Variants in CRIM1 observed in about 807,000 individuals in gnomAD.
The protein encoded by CRIM1 is cysteine-rich motor neuron 1 protein.
Under a neutral mutation model 116.4 loss-of-function variants are expected in CRIM1, and 32 were observed. The observed-to-expected ratio is 0.27, with a 90% CI of 0.21 to 0.37. CRIM1 has a LOEUF of 0.37. Ranked by LOEUF, CRIM1 falls within the 10% of genes least tolerant of loss-of-function variation. The pLI, the probability that CRIM1 is intolerant of heterozygous loss-of-function variation, is 1.00. For synonymous variants in CRIM1, 590 were observed against 509.2 expected (o/e 1.16, Z -2.13); for missense variants, 1,331 against 1,354.8 (o/e 0.98, Z 0.28).
intron 5 of CRIM1, among the ~76,000 whole-genome samples, chr2:36,471,353 C>T (rs1453830425): frequency 6.6e-6 from 1 of 152,132 alleles, no homozygotes; most frequent in Non-Finnish European, 1.5e-5. Context: ...ACAAAGAAAT[C>T]TTTCATGAAA....
At chr2:36,385,550 T>A (rs1671110220) in intron 1 of CRIM1, among the ~76,000 whole-genome samples, 1 of 152,212 alleles carries the variant, frequency 6.6e-6, no homozygotes, top group South Asian at 2.1e-4. Context: ...CTGCAAGGTG[T>A]CATAGAGGGG....
At chr2:36,454,697 C>A (rs1470221467) in intron 4 of CRIM1, among the ~76,000 whole-genome samples, 2 of 152,158 alleles carry the variant, frequency 1.3e-5, no homozygotes, top group African/African-American at 4.8e-5. Flanking sequence ...TAAAAACTGG[C>A]ATACTTCACG....
At chr2:36,374,631 A>C (rs1181825986) in intron 1 of CRIM1, among the ~76,000 whole-genome samples, 1 of 152,078 alleles carries the variant, frequency 6.6e-6, no homozygotes, top group African/African-American at 2.4e-5. Context: ...GTTACTCCTC[A>C]TTTCCTTTCC....
chr2:36,421,695 G>C (rs1320167210), intron 2 of CRIM1, among the ~76,000 whole-genome samples: 1 of 152,170 alleles, frequency 6.6e-6, no homozygotes, highest in Admixed American at 6.5e-5. Context: ...TTAAAATCCA[G>C]AAGATGGCCT....
At chr2:36,422,678 G>C (rs192951757) in intron 2 of CRIM1, among the ~76,000 whole-genome samples, 32 of 152,178 alleles carry the variant, frequency 2.1e-4, no homozygotes, top group African/African-American at 7.5e-4. Context: ...AAAAATATGT[G>C]GTATAAATCA....
intron 4 of CRIM1, among the ~76,000 whole-genome samples, chr2:36,451,040 A>G (rs375214286): frequency 3.3e-5 from 5 of 152,210 alleles, no homozygotes; most frequent in South Asian, 4.1e-4. Context: ...GTTAAATCCA[A>G]TTAATCTAAC....
At chr2:36,377,363 C>G (rs1670404456) in intron 1 of CRIM1, among the ~76,000 whole-genome samples, 1 of 152,212 alleles carries the variant, frequency 6.6e-6, no homozygotes, top group African/African-American at 2.4e-5. Context: ...GAAATGACTT[C>G]CTCTGGAGAA....
intron 2 of CRIM1, among the ~76,000 whole-genome samples, chr2:36,413,028 T>G (rs535249871): frequency 2.0e-5 from 3 of 152,194 alleles, no homozygotes; most frequent in Non-Finnish European, 4.4e-5. Context: ...AGGTAGGTAG[T>G]AAATGTGAAA....
chr2:36,363,466 C>A lies in CRIM1; in HGVS notation c.331+6843C>A, dbSNP rs185134870. ...ATCTACCTCAGTCATTGATGGTAAG[C>A]AGTTAAGGAGGTTGGGCTCTTAGAA... is the stretch of plus-strand genomic sequence containing the variant. On this transcript the variant is annotated intron_variant, in intron 1 of 16. Coordinates refer to ENST00000280527, the MANE Select transcript of CRIM1 (RefSeq NM_016441.3). Among the ~76,000 whole-genome samples, 225 of 147,816 alleles carry A rather than the reference C, an allele frequency of 1.5e-3. 1 individual carries two copies. The highest frequency in any genetic ancestry group is 5.3e-3 in the African/African-American group (216 of 40,594).
intron 2 of CRIM1, among the ~76,000 whole-genome samples, chr2:36,407,091 C>T (rs1255500883): frequency 1.3e-5 from 2 of 152,080 alleles, no homozygotes; most frequent in East Asian, 3.9e-4. Context: ...TTTAGCTTCC[C>T]AAGTGCCATC....
At chr2:36,464,141 A>C (rs1393314183) in intron 4 of CRIM1, among the ~76,000 whole-genome samples, 1 of 152,200 alleles carries the variant, frequency 6.6e-6, no homozygotes, top group Admixed American at 6.5e-5. Context: ...GCACGGGAAC[A>C]CTCACTCTGT....
At chr2:36,525,289 G>A (rs187047172) in intron 13 of CRIM1, among the ~76,000 whole-genome samples, 44 of 152,122 alleles carry the variant, frequency 2.9e-4, no homozygotes, top group African/African-American at 1.0e-3. Context: ...CTAAACATAC[G>A]AAGTCAAGTT....
chr2:36,489,000 C>T (rs1026140108), intron 7 of CRIM1, among the ~76,000 whole-genome samples: 3 of 152,200 alleles, frequency 2.0e-5, no homozygotes, highest in Non-Finnish European at 2.9e-5. Flanking sequence ...CTTACCTCAT[C>T]CCTGACTGCA....
intron 7 of CRIM1, among the ~76,000 whole-genome samples, chr2:36,492,431 G>A (rs905942336): frequency 6.6e-6 from 1 of 152,082 alleles, no homozygotes; most frequent in South Asian, 2.1e-4. Context: ...CAGATGCTAC[G>A]GAAATTCCCA....
At chr2:36,363,892 C>G (rs1669415576) in intron 1 of CRIM1, among the ~76,000 whole-genome samples, 1 of 152,136 alleles carries the variant, frequency 6.6e-6, no homozygotes, top group African/African-American at 2.4e-5. Context: ...TTGGTATAAA[C>G]TAGGCAAAAC....
chr2:36,500,957 C>T (rs191521264), intron 8 of CRIM1, among the ~76,000 whole-genome samples: 1 of 152,240 alleles, frequency 6.6e-6, no homozygotes, highest in African/African-American at 2.4e-5. Flanking sequence ...CTTATTTTTC[C>T]AGAATCTGTA....
At chr2:36,520,769 G>A (rs3770827) in intron 12 of CRIM1, among the ~76,000 whole-genome samples, 112,380 of 152,094 alleles carry the variant, frequency 0.74, 41,772 homozygotes, top group Middle Eastern at 0.8. Context: ...GTCACATCCT[G>A]CTTACTGGCT....
intron 15 of CRIM1, 68 bp downstream of exon 15, chr2:36,544,566 T>C: frequency 3.8e-6 from 5 of 1,299,558 alleles, no homozygotes; most frequent in Non-Finnish European, 4.9e-6. Flanking sequence ...TTCTAATTTT[T>C]AAAATTTCCT....
intron 5 of CRIM1, among the ~76,000 whole-genome samples, chr2:36,465,823 A>G (rs1677961151): frequency 6.6e-6 from 1 of 152,098 alleles, no homozygotes; most frequent in South Asian, 2.1e-4. Context: ...ATAACAGTAA[A>G]TTAAACAAGG....
Sources: gnomAD v4.1 joint callset for allele counts (sites outside exome capture counted in the v4.1 genomes callset) on GRCh38, gnomAD v4.1.1 for gene constraint, MANE v1.5 for transcripts, NCBI Gene and HGNC (gene_info 2026-07-23, HGNC 2026-07-21) for gene names.